The following TSHR variants were observed in gnomAD, a reference collection of about 807,000 sequenced individuals.
The protein encoded by TSHR is thyroid stimulating hormone receptor.
A neutral mutation model predicts 64.1 loss-of-function variants in TSHR; 51 were observed. The observed-to-expected ratio is 0.80, with a 90% CI of 0.64 to 1.01. The LOEUF (loss-of-function observed/expected upper bound fraction) is 1.01. Among genes scored for constraint, TSHR ranks in the 50% least tolerant of loss-of-function variants. TSHR has a pLI of 0.00. For synonymous variants in TSHR, 361 were observed against 361.9 expected (o/e 1.00, Z 0.03); for missense variants, 877 against 942.8 (o/e 0.93, Z 0.91).
chr14:81,121,050 G>T (rs2140064344), intron 8 of TSHR, among the ~76,000 whole-genome samples: 1 of 152,104 alleles, frequency 6.6e-6, no homozygotes, highest in African/African-American at 2.4e-5. Context: ...AAGCCACGAG[G>T]TCCACAACCC....
intron 1 of TSHR, among the ~76,000 whole-genome samples, chr14:81,057,180 G>T (rs1885872555): frequency 6.6e-6 from 1 of 152,168 alleles, no homozygotes; most frequent in Non-Finnish European, 1.5e-5. Flanking sequence ...GGAGGCCAAG[G>T]CAGGTGGATT....
In TSHR at chr14:81,068,305, C is replaced by T. The variant is rs766658729; in HGVS notation, c.294C>T (p.Tyr98=). The T allele has an allele frequency of 1.9e-6, 3 of 1,613,160 alleles. No individual in the cohort carries two copies. Among genetic ancestry groups the T allele is most frequent in the Non-Finnish European group, 2.5e-6 (3 of 1,179,390 alleles). The change falls in exon 3 of 10, where the codon TAC becomes TAT. Residue 98 remains tyrosine, a synonymous_variant. Coordinates refer to ENST00000298171, the MANE Select transcript of TSHR (RefSeq NM_000369.5). ...TLQQLESHSF[Y]NLSKVTHIEI... ...AGCAGCTGGAATCACACTCCTTCTA[C>T]AATTTGAGTAAAGTGACTCACATGT...
At chr14:81,004,433 C>T (rs766404406) in intron 1 of TSHR, among the ~76,000 whole-genome samples, 17 of 152,212 alleles carry the variant, frequency 1.1e-4, no homozygotes, top group Non-Finnish European at 1.6e-4. Flanking sequence ...TTGGCACTCA[C>T]ATTTACATGA....
chr14:80,992,924 A>G (rs1186370591), intron 1 of TSHR: 1 of 152,178 alleles, frequency 6.6e-6, no homozygotes, highest in East Asian at 1.9e-4. Context: ...ACCAAGAGAA[A>G]TGATAGTCTC....
At chr14:80,974,988 TA>T (rs1435681058) in intron 1 of TSHR, among the ~76,000 whole-genome samples, 1 of 152,210 alleles carries the variant, frequency 6.6e-6, no homozygotes, top group Non-Finnish European at 1.5e-5. Flanking sequence ...AGACCTTCCA[TA>T]AGTCCTAAGA....
chr14:80,963,913 G>A (rs1887165998), intron 1 of TSHR, among the ~76,000 whole-genome samples: 1 of 152,222 alleles, frequency 6.6e-6, no homozygotes, highest in Admixed American at 6.5e-5. Context: ...TCATTCAAGT[G>A]TAGTTAATAG....
At chr14:81,001,579 G>T in intron 1 of TSHR, 1 of 525,882 alleles carries the variant, frequency 1.9e-6, no homozygotes, top group Non-Finnish European at 3.8e-6. Flanking sequence ...CAGCCCCACT[G>T]CTTGGCCTGG....
At chr14:80,993,356 A>G (rs937883299) in intron 1 of TSHR, 3 of 58,072 alleles carry the variant, frequency 5.2e-5, no homozygotes, top group Non-Finnish European at 3.5e-5. Flanking sequence ...CACACAATCC[A>G]TAGTCACTAA....
At chr14:80,999,522 T>A (rs1241201408) in intron 1 of TSHR, among the ~76,000 whole-genome samples, 2 of 152,224 alleles carry the variant, frequency 1.3e-5, no homozygotes, top group African/African-American at 4.8e-5. Flanking sequence ...TCTCTCAGTT[T>A]TGTAACATTA....
At chr14:80,994,760 C>G (rs1429027314) in intron 1 of TSHR, 2 of 152,104 alleles carry the variant, frequency 1.3e-5, no homozygotes, top group Non-Finnish European at 2.9e-5. Flanking sequence ...AATGTAAAAC[C>G]CAAAACTGTA....
chr14:81,133,905 C>T (rs1208753525), intron 8 of TSHR, among the ~76,000 whole-genome samples: 3 of 152,022 alleles, frequency 2.0e-5, no homozygotes, highest in Non-Finnish European at 4.4e-5. Context: ...CTATAACAAT[C>T]ATGATAATAA....
At chr14:80,958,909 A>T (rs941425479) in intron 1 of TSHR, among the ~76,000 whole-genome samples, 7 of 152,154 alleles carry the variant, frequency 4.6e-5, no homozygotes, top group African/African-American at 1.7e-4. Flanking sequence ...GTTCCTGTAG[A>T]GTTATTTGCA....
chr14:81,097,094 G>A (rs1325189819), intron 7 of TSHR, among the ~76,000 whole-genome samples: 2 of 152,084 alleles, frequency 1.3e-5, no homozygotes, highest in East Asian at 3.8e-4. Flanking sequence ...GATTCACTCA[G>A]AAATAGCTAA....
At chr14:81,015,929 T>C (rs549858400) in intron 1 of TSHR, among the ~76,000 whole-genome samples, 18 of 152,286 alleles carry the variant, frequency 1.2e-4, no homozygotes, top group African/African-American at 3.4e-4. Flanking sequence ...TCTAGTTTCA[T>C]CCATGTTGTT....
At chr14:81,005,161 G>C (rs868183975) in intron 1 of TSHR, among the ~76,000 whole-genome samples, 2 of 151,812 alleles carry the variant, frequency 1.3e-5, no homozygotes, top group African/African-American at 4.8e-5. Context: ...CACTGGTCCT[G>C]TTTCTCCTGC....
At chr14:81,068,165 C>T in intron 2 of TSHR, 89 bp from the exon 3 acceptor site, 7 of 1,234,972 alleles carry the variant, frequency 5.7e-6, no homozygotes, top group Non-Finnish European at 7.1e-6. Context: ...CTGGGAAGCG[C>T]ATAACAAAAA....
chr14:81,134,872 A>G lies in TSHR; in HGVS notation c.693-4807A>G, dbSNP rs554676906. Among the ~76,000 whole-genome samples, 11 of 152,328 alleles carry G rather than the reference A, an allele frequency of 7.2e-5. No individual in the cohort carries two copies. In the East Asian group the frequency reaches 2.1e-3, roughly 29 times the overall value. ...CTGTCTTCCCCCAGTGCCCATTATA[A>G]TAAATGGAAAAAGATTCCTATCAAG... is the stretch of plus-strand genomic sequence containing the variant. On this transcript the variant is annotated intron_variant, in intron 8 of 9. Transcript: ENST00000298171.
intron 1 of TSHR, among the ~76,000 whole-genome samples, chr14:81,027,271 G>C (rs550365438): frequency 6.6e-6 from 1 of 151,786 alleles, no homozygotes; most frequent in Non-Finnish European, 1.5e-5. Flanking sequence ...TGTTTTTAAA[G>C]ACAAAATCAG....
rs541411820 is a variant in TSHR, at chr14:81,030,667, T to G, written c.171-31481T>G. Among the ~76,000 whole-genome samples the G allele has an allele frequency of 3.8e-4, 58 of 152,302 alleles. No homozygotes were observed. In the South Asian group the frequency reaches 0.012, roughly 30 times the overall value. On this transcript the variant is annotated intron_variant, in intron 1 of 9. Coordinates refer to ENST00000298171, the MANE Select transcript of TSHR (RefSeq NM_000369.5). ...GACGAGTGTTTTTGATAATGCTGAA[T>G]GGAATTGAGTATGACCTCCCAGATA...
Sources: allele counts gnomAD v4.1 joint callset (sites outside exome capture counted in the v4.1 genomes callset), GRCh38; gene constraint gnomAD v4.1.1; transcripts MANE v1.5; gene names NCBI Gene and HGNC (gene_info 2026-07-23, HGNC 2026-07-21).